Variants in GABPB2 observed in about 807,000 individuals in gnomAD.
GABPB2 encodes GA binding protein transcription factor subunit beta 2.
In GABPB2, 23 loss-of-function variants were observed where a neutral mutation model predicts 39.1. The observed-to-expected ratio is 0.59, with a 90% CI of 0.42 to 0.83. The LOEUF (loss-of-function observed/expected upper bound fraction) is 0.83, where lower values mean the gene tolerates loss of function less well. Ranked by LOEUF, GABPB2 falls within the 40% of genes least tolerant of loss-of-function variation. The probability of loss-of-function intolerance (pLI) is 0.00; values close to 1 mark genes in which losing one functional copy is unlikely to be tolerated. For missense variants in GABPB2, 467 were observed against 541.1 expected (o/e 0.86, Z 1.36); for synonymous variants, 184 against 199.3 (o/e 0.92, Z 0.65).
intron 2 of GABPB2, among the ~76,000 whole-genome samples, chr1:151,089,458 A>G (rs1418109662): frequency 3.3e-5 from 5 of 152,168 alleles, no homozygotes; most frequent in African/African-American, 9.6e-5. Context: ...CAAGATTTAC[A>G]CTGGGATGAC....
chr1:151,105,440 TATATATACAAA>T (rs1351353003), intron 6 of GABPB2, among the ~76,000 whole-genome samples: 1 of 148,534 alleles, frequency 6.7e-6, no homozygotes, highest in African/African-American at 2.4e-5. Flanking sequence ...ATATATCAAA[TATATATACAAA>T]TGTATATATA....
intron 1 of GABPB2, among the ~76,000 whole-genome samples, chr1:151,080,342 T>A (rs1393331438): frequency 6.7e-6 from 1 of 148,464 alleles, no homozygotes; most frequent in Non-Finnish European, 1.5e-5. Flanking sequence ...AGAAACCCTG[T>A]CTCTACTAAA....
intron 7 of GABPB2, among the ~76,000 whole-genome samples, chr1:151,110,821 T>G (rs763425173): frequency 1.3e-5 from 2 of 152,186 alleles, no homozygotes; most frequent in African/African-American, 4.8e-5. Flanking sequence ...TCATGAGTTA[T>G]CTGCAGAAAA....
At position 151,074,172 on chromosome 1, in the gene GABPB2, T is replaced by C. The variant is rs1242934190; in HGVS notation, c.-1+3238T>C. ...TTGTATTTTTAGTAGAGACGGGGTTTCACCATGTTAGCCAAGATGGTCTCG... is the reference window on the plus strand; with the variant it reads ...TTGTATTTTTAGTAGAGACGGGGTTCCACCATGTTAGCCAAGATGGTCTCG... On this transcript the variant is annotated intron_variant, in intron 1 of 8. Coordinates refer to ENST00000368918, the MANE Select transcript of GABPB2 (RefSeq NM_144618.3). Among the ~76,000 whole-genome samples, 4 of 151,536 alleles carry C rather than the reference T, an allele frequency of 2.6e-5. No individual in the cohort carries two copies. In the East Asian group the frequency reaches 5.9e-4, roughly 22 times the overall value.
At chr1:151,113,393 C>G (rs1424876937) in intron 7 of GABPB2, among the ~76,000 whole-genome samples, 1 of 151,150 alleles carries the variant, frequency 6.6e-6, no homozygotes, top group African/African-American at 2.4e-5. Flanking sequence ...GGGGTGAACC[C>G]CGGAGGCGGA....
chr1:151,124,373 TCCTGACCTCGTG>T lies in GABPB2; in HGVS notation c.*6118_*6129del, dbSNP rs1263817167. The T allele has an allele frequency of 6.6e-6, 1 of 151,036 alleles. No individual in the cohort carries two copies. The allele number at this position is 151,036 out of a possible 1,614,324, so 9.4% of individuals were successfully genotyped here. A position where few individuals can be genotyped will look rare whatever the true frequency, so the allele number is the denominator to read the frequency against. On this transcript the variant is annotated 3_prime_UTR_variant, in exon 9 of 9. Transcript: ENST00000368918. ...CATATTGGCCAGGCTGGTCTCGAAC[TCCTGACCTCGTG>T]ATCCACCCTCCTTGGCCTCCCAAAG...
At chr1:151,098,063 TC>T in intron 5 of GABPB2, 61 bp downstream of exon 5, 1 of 1,455,664 alleles carries the variant, frequency 6.9e-7, no homozygotes, top group Non-Finnish European at 9.6e-7. Flanking sequence ...CCCTAGATTT[TC>T]CAGGAGATGA....
intron 1 of GABPB2, among the ~76,000 whole-genome samples, chr1:151,082,332 C>T (rs1235733886): frequency 6.6e-6 from 1 of 150,698 alleles, no homozygotes; most frequent in Non-Finnish European, 1.5e-5. Flanking sequence ...CCGCTTTGGC[C>T]TCCCAAAGTG....
At chr1:151,084,683 C>T (rs922197854) in intron 1 of GABPB2, among the ~76,000 whole-genome samples, 5 of 151,138 alleles carry the variant, frequency 3.3e-5, no homozygotes, top group East Asian at 2.0e-4. Context: ...TACAGGTACC[C>T]GCCACCATGC....
intron 1 of GABPB2, among the ~76,000 whole-genome samples, chr1:151,082,076 C>CTT (rs1215494134): frequency 3.3e-4 from 44 of 131,566 alleles, no homozygotes; most frequent in East Asian, 1.5e-3. Flanking sequence ...ATTTCTTTTT[C>CTT]TTTTTTTTTT....
intron 5 of GABPB2, among the ~76,000 whole-genome samples, chr1:151,099,099 AAAG>A (rs1679327129): frequency 6.6e-6 from 1 of 151,730 alleles, no homozygotes; most frequent in Non-Finnish European, 1.5e-5. Flanking sequence ...AAAAAAAAAA[AAAG>A]AAAGAAAGAA....
At chr1:151,104,840 CTCTT>C (rs144579509) in intron 6 of GABPB2, among the ~76,000 whole-genome samples, 4,049 of 98,956 alleles carry the variant, frequency 0.041, 180 homozygotes, top group African/African-American at 0.12. Context: ...TCTCTTCTCT[CTCTT>C]TCTTTCTTTC....
intron 1 of GABPB2, among the ~76,000 whole-genome samples, chr1:151,083,716 G>T (rs1456294197): frequency 6.6e-6 from 1 of 150,598 alleles, no homozygotes; most frequent in Non-Finnish European, 1.5e-5. Context: ...AGCTCACTTT[G>T]TTCATTTTTT....
Position 151,093,335 on chromosome 1 carries a change from C to A in GABPB2, c.420C>A (p.Ala140=). 6.2e-7 allele frequency: 1 copy of A among 1,610,664 alleles called. No homozygotes were observed. ...VHAFSKFDKS[A]FDIALEKNNA... is the part of the protein sequence containing the mutation. ...CTTTCAGCAAATTTGATAAATCAGC[C>A]TTTGACATAGCTCTGGAGAAAAACA... The change falls in exon 4 of 9, where the codon GCC becomes GCA. Residue 140 remains alanine, a synonymous_variant. Coordinates refer to ENST00000368918, the MANE Select transcript of GABPB2 (RefSeq NM_144618.3).
chr1:151,096,257 C>T (rs1012501586), intron 4 of GABPB2, among the ~76,000 whole-genome samples: 2 of 151,924 alleles, frequency 1.3e-5, no homozygotes, highest in African/African-American at 4.8e-5. Flanking sequence ...AACCCTGTCT[C>T]TACTAAAATA....
chr1:151,109,300 A>T (rs1309373520), intron 7 of GABPB2, among the ~76,000 whole-genome samples: 2 of 4,950 alleles, frequency 4.0e-4, no homozygotes, highest in African/African-American at 5.3e-4. Context: ...GTGGGGATTT[A>T]TATATATATA....
chr1:151,116,174 G>T (rs1054338797), intron 7 of GABPB2, among the ~76,000 whole-genome samples: 1 of 151,912 alleles, frequency 6.6e-6, no homozygotes, highest in African/African-American at 2.4e-5. Context: ...GGTGGATCAC[G>T]TGAGGTCGGG....
At chr1:151,071,747 C>T (rs1322079530) in intron 1 of GABPB2, among the ~76,000 whole-genome samples, 1 of 152,172 alleles carries the variant, frequency 6.6e-6, no homozygotes, top group Non-Finnish European at 1.5e-5. Context: ...GCTGGGATTG[C>T]AGGCGTGAGC....
chr1:151,097,797 CAGAA>C lies in GABPB2; in HGVS notation c.472-53_472-50del, dbSNP rs1679208748. ...GTCTCAAAAAAAAAAAAAAGAAAGA[CAGAA>C]AAGAAAAGCTAATAAGTGTTCTGAT... On this transcript the variant is annotated intron_variant, in intron 4 of 8. Coordinates refer to ENST00000368918, the MANE Select transcript of GABPB2 (RefSeq NM_144618.3). The C allele has an allele frequency of 6.7e-6, 10 of 1,498,870 alleles. No homozygotes were observed. In the Admixed American group the frequency reaches 8.1e-5, roughly 12 times the overall value. 92.8% of individuals were successfully genotyped at this position (1,498,870 alleles called of 1,614,324 possible). A position where few individuals can be genotyped will look rare whatever the true frequency, so the allele number is the denominator to read the frequency against.
Sources: allele counts gnomAD v4.1 joint callset (sites outside exome capture counted in the v4.1 genomes callset), GRCh38; gene constraint gnomAD v4.1.1; transcripts MANE v1.5; gene names NCBI Gene and HGNC (gene_info 2026-07-23, HGNC 2026-07-21).